The following MB21D2 variants were observed in gnomAD, a reference collection of about 807,000 sequenced individuals.
MB21D2 encodes Mab-21 domain containing 2, also known as nucleotidyltransferase MB21D2.
MB21D2 carries 9 observed loss-of-function variants against 33.3 expected under a neutral mutation model. The ratio of observed to expected loss-of-function variants is 0.27; its 90% CI spans 0.16 to 0.47. The LOEUF (loss-of-function observed/expected upper bound fraction) is 0.47, where lower values mean the gene tolerates loss of function less well. Among genes scored for constraint, MB21D2 ranks in the 20% least tolerant of loss-of-function variants. MB21D2 has a pLI of 0.99. For missense variants in MB21D2, 540 were observed against 624.6 expected (o/e 0.86, Z 1.44); for synonymous variants, 241 against 236.3 (o/e 1.02, Z -0.18).
chr3:192,866,768 A>T (rs1713176373), intron 1 of MB21D2, among the ~76,000 whole-genome samples: 2 of 152,200 alleles, frequency 1.3e-5, no homozygotes, highest in South Asian at 4.1e-4. Flanking sequence ...CAGGTAAAAG[A>T]TAACTTAGGA....
At chr3:192,883,153 C>G (rs1713643924) in intron 1 of MB21D2, among the ~76,000 whole-genome samples, 1 of 152,102 alleles carries the variant, frequency 6.6e-6, no homozygotes, top group Non-Finnish European at 1.5e-5. Context: ...CAGGTGTAAG[C>G]CACCGTGCCC....
chr3:192,805,618 G>A (rs1462231400), intron 1 of MB21D2, among the ~76,000 whole-genome samples: 1 of 152,160 alleles, frequency 6.6e-6, no homozygotes, highest in Non-Finnish European at 1.5e-5. Context: ...ATGTACGCAA[G>A]AACACTGGAC....
At chr3:192,914,442 A>G (rs1714418964) in intron 1 of MB21D2, among the ~76,000 whole-genome samples, 1 of 152,198 alleles carries the variant, frequency 6.6e-6, no homozygotes, top group African/African-American at 2.4e-5. Flanking sequence ...TGGGGACACA[A>G]ACCAGTCTCT....
intron 1 of MB21D2, among the ~76,000 whole-genome samples, chr3:192,868,412 T>C (rs540711582): frequency 7.2e-5 from 11 of 152,244 alleles, no homozygotes; most frequent in Non-Finnish European, 1.0e-4. Context: ...AAACAAGGAC[T>C]AGTGACATCA....
chr3:192,862,271 G>C (rs1050596354), intron 1 of MB21D2, among the ~76,000 whole-genome samples: 1 of 151,944 alleles, frequency 6.6e-6, no homozygotes, highest in Non-Finnish European at 1.5e-5. Context: ...TGATTTGAAG[G>C]AACTGGGAAC....
intron 1 of MB21D2, among the ~76,000 whole-genome samples, chr3:192,845,890 G>A (rs1024954903): frequency 3.9e-5 from 6 of 151,970 alleles, no homozygotes; most frequent in Non-Finnish European, 8.8e-5. Context: ...ATCAGCCTGG[G>A]CAATACAGTG....
chr3:192,842,604 G>A (rs1712597892), intron 1 of MB21D2, among the ~76,000 whole-genome samples: 1 of 152,090 alleles, frequency 6.6e-6, no homozygotes, highest in African/African-American at 2.4e-5. Context: ...GATAATAAAA[G>A]AGAACACATG....
intron 1 of MB21D2, among the ~76,000 whole-genome samples, chr3:192,833,260 G>A (rs1489007776): frequency 6.6e-6 from 1 of 152,096 alleles, no homozygotes; most frequent in Non-Finnish European, 1.5e-5. Context: ...GAAAGTCAAT[G>A]ACTCATTCAA....
chr3:192,814,628 C>T (rs1711872474), intron 1 of MB21D2, among the ~76,000 whole-genome samples: 1 of 151,992 alleles, frequency 6.6e-6, no homozygotes, highest in African/African-American at 2.4e-5. Flanking sequence ...TTTGGGAGGC[C>T]AAGGTGGGCA....
At chr3:192,908,452 A>G (rs1347702987) in intron 1 of MB21D2, among the ~76,000 whole-genome samples, 3 of 148,566 alleles carry the variant, frequency 2.0e-5, no homozygotes, top group East Asian at 2.0e-4. Context: ...AGGCTGGAGT[A>G]CAGTGACGCG....
chr3:192,892,562 T>G (rs1038455080), intron 1 of MB21D2, among the ~76,000 whole-genome samples: 5 of 152,162 alleles, frequency 3.3e-5, no homozygotes, highest in African/African-American at 1.2e-4. Context: ...TGCCTCAGCC[T>G]CCTGAGTAGC....
In MB21D2 at chr3:192,798,772, C is replaced by T. The variant is rs1346758599; in HGVS notation, c.1090G>A (p.Asp364Asn). ...AAHFLLGLID[D>N]LQHCLVNKMC... ...TTGTTGACCAGACAGTGTTGCAGGT[C>T]ATCGATGAGGCCCAGCAAAAAGTGG... is the stretch of plus-strand genomic sequence containing the variant. The change falls in exon 2 of 2, where the codon GAC (aspartate) becomes AAC (asparagine). Residue 364 changes from aspartate (D) to asparagine (N), a missense_variant. Physicochemically the swap from Asp to Asn is conservative, Grantham distance 23 (BLOSUM62 1). Transcript: ENST00000392452. This position sits in a 1 kb window ranked among gnomAD's most constrained non-coding sequence, Gnocchi z 4.8. 6.2e-7 allele frequency: 1 copy of T among 1,613,088 alleles called. No individual in the cohort carries two copies. Among genetic ancestry groups the T allele is most frequent in the Non-Finnish European group, 8.5e-7 (1 of 1,179,924 alleles).
intron 1 of MB21D2, among the ~76,000 whole-genome samples, chr3:192,833,425 CAAAACA>C (rs1229243898): frequency 6.6e-6 from 1 of 152,058 alleles, no homozygotes; most frequent in African/African-American, 2.4e-5. Context: ...TCTGCAAAAA[CAAAACA>C]AAAACAAAAA....
intron 1 of MB21D2, among the ~76,000 whole-genome samples, chr3:192,851,374 G>A (rs535159764): frequency 1.9e-4 from 29 of 152,090 alleles, no homozygotes; most frequent in African/African-American, 7.0e-4. Flanking sequence ...GAAGGTGACT[G>A]CTAATGAGTA....
intron 1 of MB21D2, among the ~76,000 whole-genome samples, chr3:192,859,538 C>A (rs1021978283): frequency 6.6e-6 from 1 of 152,162 alleles, no homozygotes; most frequent in East Asian, 1.9e-4. Flanking sequence ...CATCTAACAT[C>A]CTACATGCAC....
chr3:192,832,040 A>C (rs1013825858), intron 1 of MB21D2, among the ~76,000 whole-genome samples: 5 of 152,216 alleles, frequency 3.3e-5, no homozygotes, highest in African/African-American at 7.2e-5. Flanking sequence ...AAAACAGTCA[A>C]GGAGAACCAT....
chr3:192,808,777 G>A (rs1399111174), intron 1 of MB21D2, among the ~76,000 whole-genome samples: 1 of 152,194 alleles, frequency 6.6e-6, no homozygotes, highest in Non-Finnish European at 1.5e-5. Context: ...TGAGCATTAC[G>A]CCCAAAGGCT....
chr3:192,825,698 G>A (rs1712161475), intron 1 of MB21D2, among the ~76,000 whole-genome samples: 1 of 152,200 alleles, frequency 6.6e-6, no homozygotes, highest in Non-Finnish European at 1.5e-5. Flanking sequence ...TACTTAGTAT[G>A]TAGATGAGGC....
chr3:192,843,939 C>T (rs1281331368), intron 1 of MB21D2, among the ~76,000 whole-genome samples: 1 of 152,164 alleles, frequency 6.6e-6, no homozygotes. Flanking sequence ...ATATGAGTCC[C>T]ACACTACCAG....
Sources: gnomAD v4.1 joint callset for allele counts (sites outside exome capture counted in the v4.1 genomes callset) on GRCh38, gnomAD v4.1.1 for gene constraint, Gnocchi (gnomAD v3.1) non-coding constraint, MANE v1.5 for transcripts, NCBI Gene and HGNC (gene_info 2026-07-23, HGNC 2026-07-21) for gene names.